Variants in SYAP1 observed in about 807,000 individuals in gnomAD.
SYAP1 encodes the protein synapse associated protein 1, also known as synapse-associated protein 1.
In SYAP1, 3 loss-of-function variants were observed where a neutral mutation model predicts 29.6. That is an observed-to-expected ratio of 0.10 (90% confidence interval 0.05 to 0.26). The LOEUF is 0.26. SYAP1 is among the 10% of genes least tolerant of loss of function. The pLI is 1.00. For synonymous variants in SYAP1, 102 were observed against 102.7 expected, an observed-to-expected ratio of 0.99 and a Z score of 0.04; for missense variants, 217 against 264.1, an observed-to-expected ratio of 0.82 and a Z score of 1.24.
intron 3 of SYAP1, among the ~76,000 whole-genome samples, chrX:16,738,341 G>A (rs1183331825): frequency 8.9e-6 from 1 of 111,966 alleles, no homozygotes; most frequent in African/African-American, 3.2e-5. Flanking sequence ...CTTGAACCTG[G>A]GAGGTGGAGG....
At chrX:16,741,008 A>G (rs754619324) in intron 3 of SYAP1, among the ~76,000 whole-genome samples, 89 of 109,345 alleles carry the variant, frequency 8.1e-4, no homozygotes, top group Non-Finnish European at 1.5e-3. Context: ...TTCAGGCTTT[A>G]TCTGATATTT....
chrX:16,743,693 T>C lies in SYAP1; in HGVS notation c.436-8T>C, dbSNP rs756774810. ...AATACCCTGTGTTTTTTTCTTTTTT[T>C]ATCAAAGGACAAGAGGAATTTCCTT... On this transcript the variant is annotated splice_region_variant and splice_polypyrimidine_tract_variant and intron_variant, in intron 4 of 8. Coordinates refer to ENST00000380155, the MANE Select transcript of SYAP1 (RefSeq NM_032796.4). 5 of 1,208,300 alleles carry C rather than the reference T, an allele frequency of 4.1e-6. No individual in the cohort carries two copies. Among genetic ancestry groups the C allele is most frequent in the Non-Finnish European group, 5.6e-6 (5 of 894,107 alleles).
intron 5 of SYAP1, among the ~76,000 whole-genome samples, chrX:16,745,458 G>T (rs769833772): frequency 3.6e-5 from 4 of 111,629 alleles, no homozygotes; most frequent in Non-Finnish European, 5.7e-5. Flanking sequence ...TGTTTGCCTA[G>T]GCCGGGTGCA....
intron 1 of SYAP1, among the ~76,000 whole-genome samples, chrX:16,734,687 C>T (rs1275208013): frequency 9.1e-6 from 1 of 110,028 alleles, no homozygotes; most frequent in Non-Finnish European, 1.9e-5. Context: ...GAAGAGTATA[C>T]TAAGGGTCTT....
chrX:16,733,689 G>C (rs971608770), intron 1 of SYAP1, among the ~76,000 whole-genome samples: 1 of 106,880 alleles, frequency 9.4e-6, no homozygotes, highest in Admixed American at 1.0e-4. Flanking sequence ...TTTTTTAGAC[G>C]GAGTCTCGCT....
chrX:16,723,241 T>C (rs1047576593), intron 1 of SYAP1, among the ~76,000 whole-genome samples: 14 of 112,349 alleles, frequency 1.2e-4, no homozygotes, highest in African/African-American at 4.5e-4. Flanking sequence ...GGTGACTATG[T>C]ACCTGCTTTG....
At position 16,761,718 on chromosome X, in the gene SYAP1, A is replaced by G. The variant is rs774482178; in HGVS notation, c.*1359A>G. The G allele has an allele frequency of 3.6e-5, 4 of 112,123 alleles. No individual in the cohort carries two copies. Among genetic ancestry groups the G allele is most frequent in the Non-Finnish European group, 5.6e-5 (3 of 53,286 alleles). The allele number at this position is 112,123 out of a possible 1,213,427, so 9.2% of individuals were successfully genotyped here. ...GAATGAATGAATGAACGAACGAACA[A>G]GGTGGTTTAATGTCAGAAAACTTCC... On this transcript the variant is annotated 3_prime_UTR_variant, in exon 9 of 9. Transcript: ENST00000380155.
chrX:16,737,089 G>T (rs1019554937), intron 3 of SYAP1, among the ~76,000 whole-genome samples: 3 of 112,011 alleles, frequency 2.7e-5, no homozygotes, highest in Admixed American at 1.9e-4. Flanking sequence ...AACCAGCCTC[G>T]TGTCTTTAGA....
At chrX:16,759,763 T>C (rs1372772735) in intron 8 of SYAP1, among the ~76,000 whole-genome samples, 1 of 112,134 alleles carries the variant, frequency 8.9e-6, no homozygotes, top group East Asian at 2.8e-4. Flanking sequence ...ATGTGGCAAA[T>C]AGTAATACCT....
At chrX:16,729,703 T>C (rs758660023) in intron 1 of SYAP1, among the ~76,000 whole-genome samples, 4 of 110,824 alleles carry the variant, frequency 3.6e-5, no homozygotes, top group South Asian at 7.6e-4. Context: ...AGGCTGGTCT[T>C]GAACTCCTGA....
intron 1 of SYAP1, among the ~76,000 whole-genome samples, chrX:16,727,637 C>T (rs1485765517): frequency 8.9e-6 from 1 of 112,611 alleles, no homozygotes; most frequent in Non-Finnish European, 1.9e-5. Flanking sequence ...GCCACCTTAC[C>T]TGGTAAGATA....
At chrX:16,745,047 G>A (rs1324697809) in intron 5 of SYAP1, among the ~76,000 whole-genome samples, 2 of 112,216 alleles carry the variant, frequency 1.8e-5, no homozygotes, top group Non-Finnish European at 1.9e-5. Context: ...TCGTTTATGT[G>A]GCAGACTCTC....
chrX:16,721,020 C>A (rs1419354699), intron 1 of SYAP1, among the ~76,000 whole-genome samples: 1 of 108,680 alleles, frequency 9.2e-6, no homozygotes, highest in Non-Finnish European at 1.9e-5. Context: ...CTCAAAAAAA[C>A]AAAACAAAAC....
intron 1 of SYAP1, among the ~76,000 whole-genome samples, chrX:16,729,849 AT>A (rs1445792574): frequency 9.0e-6 from 1 of 111,645 alleles, no homozygotes; most frequent in Non-Finnish European, 1.9e-5. Context: ...TTTAGCCAGT[AT>A]GTTTACACAC....
rs1926958781 is a variant in SYAP1 at position 16,760,488 on chromosome X, C to T, written c.*129C>T. 1 of 656,358 alleles carries T rather than the reference C, an allele frequency of 1.5e-6. No homozygotes were observed. Among genetic ancestry groups the T allele is most frequent in the Non-Finnish European group, 2.1e-6 (1 of 472,971 alleles). 54.1% of individuals were successfully genotyped at this position (656,358 alleles called of 1,213,427 possible). A position where few individuals can be genotyped will look rare whatever the true frequency, so the allele number is the denominator to read the frequency against. ...ATGAAATTCAAAATTATTCTTTTTT[C>T]AAGTTGAAACTTGCCTCTTCTACTT... On this transcript the variant is annotated 3_prime_UTR_variant, in exon 9 of 9. Coordinates refer to ENST00000380155, the MANE Select transcript of SYAP1 (RefSeq NM_032796.4).
intron 1 of SYAP1, 30 bp downstream of exon 1, chrX:16,719,929 A>AGG (rs374264655): frequency 5.4e-6 from 6 of 1,120,525 alleles, no homozygotes; most frequent in Middle Eastern, 2.8e-4. Context: ...GGGACCGGGA[A>AGG]GGGGGGGGCG....
chrX:16,736,526 T>C (rs1487104999), intron 3 of SYAP1: 1 of 198,741 alleles, frequency 5.0e-6, no homozygotes, highest in African/African-American at 2.9e-5. Flanking sequence ...CCCACCGAGA[T>C]GGAGTCTTGC....
chrX:16,755,194 G>A, intron 6 of SYAP1, 101 bp downstream of exon 6: 1 of 878,611 alleles, frequency 1.1e-6, no homozygotes, highest in Non-Finnish European at 1.6e-6. Flanking sequence ...ATTGCCTTAG[G>A]GAAAAATTCT....
At chrX:16,756,197 C>T (rs1349091833) in intron 6 of SYAP1, among the ~76,000 whole-genome samples, 2 of 112,217 alleles carry the variant, frequency 1.8e-5, no homozygotes, top group Non-Finnish European at 3.8e-5. Context: ...TATCAGCAGG[C>T]AAACTTGATA....
Sources: gnomAD v4.1 joint callset for allele counts (sites outside exome capture counted in the v4.1 genomes callset) on GRCh38, gnomAD v4.1.1 for gene constraint, MANE v1.5 for transcripts, NCBI Gene and HGNC (gene_info 2026-07-23, HGNC 2026-07-21) for gene names.